The following RYR2 variants were observed in gnomAD, a reference collection of about 807,000 sequenced individuals.
RYR2 encodes the protein ryanodine receptor 2.
RYR2 carries 227 observed loss-of-function variants against 601.1 expected under a neutral mutation model. The ratio of observed to expected loss-of-function variants is 0.38; its 90% CI spans 0.34 to 0.42. RYR2 has a LOEUF of 0.42. Ranked by LOEUF, RYR2 falls within the 10% of genes least tolerant of loss-of-function variation. The pLI, the probability that RYR2 is intolerant of heterozygous loss-of-function variation, is 1.00. For synonymous variants in RYR2, 2,223 were observed against 2,175.1 expected (o/e 1.02, Z -0.61); for missense variants, 4,646 against 6,156.5 (o/e 0.75, Z 8.21).
In RYR2 at chr1:237,724,184, C is replaced by CATATATATATATATAT. The variant is rs35705894; in HGVS notation, c.10689+941_10689+956dup. The stretch of plus-strand genomic sequence containing the variant: ...TGCCACCTAAATGTATGTGTGTGTG[C>CATATATATATATATAT]ATATATATATATATATATATATATA... On this transcript the variant is annotated intron_variant, in intron 74 of 104. Transcript: ENST00000366574. Among the ~76,000 whole-genome samples the CATATATATATATATAT allele has an allele frequency of 2.9e-3, 393 of 136,858 alleles. 1 individual carries two copies. The highest frequency in any genetic ancestry group is 3.9e-3 in the Non-Finnish European group (251 of 64,452). The allele number at this position is 136,858 out of a possible 152,430, so 89.8% of individuals were successfully genotyped here.
chr1:237,210,730 G>C (rs992253436), intron 1 of RYR2, among the ~76,000 whole-genome samples: 1 of 152,130 alleles, frequency 6.6e-6, no homozygotes, highest in South Asian at 2.1e-4. Context: ...TGTGTGTTGT[G>C]GGGGTGGGAA....
At chr1:237,731,319 T>G (rs1167997665) in intron 77 of RYR2, among the ~76,000 whole-genome samples, 2 of 152,156 alleles carry the variant, frequency 1.3e-5, no homozygotes, top group Non-Finnish European at 2.9e-5. Flanking sequence ...ATAAAAATGC[T>G]TAATAATTTT....
chr1:237,179,610 T>C (rs1678473017), intron 1 of RYR2, among the ~76,000 whole-genome samples: 1 of 152,120 alleles, frequency 6.6e-6, no homozygotes, highest in Non-Finnish European at 1.5e-5. Flanking sequence ...GAATTCTTCT[T>C]GTTTTATAGC....
intron 11 of RYR2, among the ~76,000 whole-genome samples, chr1:237,420,211 C>A (rs369000557): frequency 6.6e-6 from 1 of 152,020 alleles, no homozygotes; most frequent in Non-Finnish European, 1.5e-5. Flanking sequence ...ATATTTTACT[C>A]CAGGCAAAAT....
intron 1 of RYR2, among the ~76,000 whole-genome samples, chr1:237,207,816 A>G (rs1250042391): frequency 6.6e-6 from 1 of 152,260 alleles, no homozygotes; most frequent in African/African-American, 2.4e-5. Context: ...AAACAATAGT[A>G]TTAGGTTGGT....
At chr1:237,582,096 T>A (rs143951912) in intron 29 of RYR2, among the ~76,000 whole-genome samples, 100 of 152,012 alleles carry the variant, frequency 6.6e-4, no homozygotes, top group African/African-American at 2.1e-3. Context: ...TTTTTATTTT[T>A]ATTTTATTTT....
chr1:237,258,141 C>T (rs944880034), intron 1 of RYR2, among the ~76,000 whole-genome samples: 7 of 146,880 alleles, frequency 4.8e-5, no homozygotes, highest in African/African-American at 1.8e-4. Context: ...GCACTCCAGC[C>T]TGGGTGACAA....
At chr1:237,363,984 A>G (rs1421844552) in intron 4 of RYR2, among the ~76,000 whole-genome samples, 1 of 152,106 alleles carries the variant, frequency 6.6e-6, no homozygotes, top group Non-Finnish European at 1.5e-5. Context: ...TTATCACTGC[A>G]TTTTTATGCA....
intron 1 of RYR2, among the ~76,000 whole-genome samples, chr1:237,136,983 C>T (rs1411694019): frequency 6.9e-6 from 1 of 145,030 alleles, no homozygotes; most frequent in Non-Finnish European, 1.5e-5. Flanking sequence ...TGCCACTGCA[C>T]TCCAGCCTGG....
chr1:237,359,334 A>G (rs1032234932), intron 4 of RYR2, among the ~76,000 whole-genome samples: 13 of 152,338 alleles, frequency 8.5e-5, no homozygotes, highest in Admixed American at 7.8e-4. Flanking sequence ...TGCTGAATGC[A>G]AATCACTTTC....
intron 1 of RYR2, among the ~76,000 whole-genome samples, chr1:237,153,009 A>G (rs1674901174): frequency 6.6e-6 from 1 of 152,238 alleles, no homozygotes; most frequent in Non-Finnish European, 1.5e-5. Flanking sequence ...AACAGACACC[A>G]GCAGCCATTT....
intron 52 of RYR2, among the ~76,000 whole-genome samples, chr1:237,655,132 C>A (rs368114018): frequency 6.6e-6 from 1 of 152,096 alleles, no homozygotes; most frequent in Non-Finnish European, 1.5e-5. Context: ...CTTTTTCTTA[C>A]CGAATTTCCT....
intron 24 of RYR2, among the ~76,000 whole-genome samples, chr1:237,513,699 T>G (rs899022501): frequency 1.3e-5 from 2 of 152,206 alleles, no homozygotes; most frequent in Non-Finnish European, 2.9e-5. Flanking sequence ...CAGTATTTGG[T>G]GAAGTAACAT....
intron 25 of RYR2, among the ~76,000 whole-genome samples, chr1:237,543,075 T>A (rs1669471023): frequency 6.6e-6 from 1 of 152,230 alleles, no homozygotes; most frequent in African/African-American, 2.4e-5. Context: ...GCAGAGATTT[T>A]AATATCACAA....
intron 16 of RYR2, among the ~76,000 whole-genome samples, chr1:237,467,500 G>C (rs1330711659): frequency 1.3e-5 from 2 of 152,038 alleles, no homozygotes; most frequent in South Asian, 2.1e-4. Flanking sequence ...CAGTCTGTGA[G>C]TATATCTCGA....
chr1:237,595,460 T>C, intron 33 of RYR2, 38 bp from the exon 34 acceptor site: 5 of 1,597,884 alleles, frequency 3.1e-6, no homozygotes, highest in Non-Finnish European at 4.3e-6. Context: ...CTTTTATCTG[T>C]GGTTGTACAA....
intron 48 of RYR2, 71 bp downstream of exon 48, chr1:237,643,518 C>T (rs964223610): frequency 7.3e-5 from 116 of 1,582,330 alleles, no homozygotes; most frequent in African/African-American, 3.1e-4. Flanking sequence ...GAATGTTTTC[C>T]GTACTCAACA....
chr1:237,731,656 G>T (rs1390091852), intron 77 of RYR2, among the ~76,000 whole-genome samples: 1 of 152,056 alleles, frequency 6.6e-6, no homozygotes, highest in Non-Finnish European at 1.5e-5. Context: ...ATTTTTAAAT[G>T]ATATAAGTTA....
chr1:237,308,696 A>C (rs534484563), intron 2 of RYR2, among the ~76,000 whole-genome samples: 1 of 152,240 alleles, frequency 6.6e-6, no homozygotes, highest in Non-Finnish European at 1.5e-5. Context: ...GTTACAGCTC[A>C]TAAAAGCAGT....
Sources: allele counts gnomAD v4.1 joint callset (sites outside exome capture counted in the v4.1 genomes callset), GRCh38; gene constraint gnomAD v4.1.1; transcripts MANE v1.5; gene names NCBI Gene and HGNC (gene_info 2026-07-23, HGNC 2026-07-21).